The following FBXL20 variants were observed in gnomAD, a reference collection of about 807,000 sequenced individuals.
FBXL20 encodes F-box/LRR-repeat protein 20.
Under a neutral mutation model 64.0 loss-of-function variants are expected in FBXL20, and 11 were observed. That is an observed-to-expected ratio of 0.17 (90% CI 0.11 to 0.28). The LOEUF is 0.28. FBXL20 is among the 10% of genes least tolerant of loss of function. The probability of loss-of-function intolerance (pLI) is 1.00; values close to 1 mark genes in which losing one functional copy is unlikely to be tolerated. For missense variants in FBXL20, 303 were observed against 526.2 expected (o/e 0.58, Z 4.15); for synonymous variants, 184 against 189.0 (o/e 0.97, Z 0.22).
In FBXL20 at chr17:39,284,492, TG is replaced by T. The variant is rs780629495; in HGVS notation, c.494+985del. Among the ~76,000 whole-genome samples, 55 of 152,290 alleles carry T rather than the reference TG, an allele frequency of 3.6e-4. No individual in the cohort carries two copies. The Middle Eastern group carries it at 0.01, about 28-fold the overall frequency. ...ACCTGCTGGGCTCAAGTGATCCTCC[TG>T]CTTCAGTCCCCTGAGCAGCTGGGAC... On this transcript the variant is annotated intron_variant, in intron 7 of 14. Transcript: ENST00000264658.
chr17:39,355,835 A>C (rs1394336201), intron 1 of FBXL20, among the ~76,000 whole-genome samples: 2 of 147,806 alleles, frequency 1.4e-5, no homozygotes, highest in Admixed American at 6.8e-5. Flanking sequence ...AGCCTGAGGG[A>C]CAAAATCGAG....
intron 1 of FBXL20, among the ~76,000 whole-genome samples, chr17:39,363,810 C>CAAAAAAA (rs71372113): frequency 5.3e-4 from 14 of 26,218 alleles, no homozygotes; most frequent in East Asian, 9.9e-4. Flanking sequence ...GACTTTATCT[C>CAAAAAAA]AAAAAAAAAA....
At position 39,257,130 on chromosome 17, in the gene FBXL20, C is replaced by A. The variant is rs1432785867; in HGVS notation, c.*4330G>T. On this transcript the variant is annotated 3_prime_UTR_variant, in exon 15 of 15. Transcript: ENST00000264658. ...TCCCGAGTAGCTGGGATTACAGGCA[C>A]CTGCCACCACACCTGGCTAATTTTT... is the stretch of plus-strand genomic sequence containing the variant. The A allele has an allele frequency of 6.6e-6, 1 of 152,110 alleles. No individual in the cohort carries two copies. Among genetic ancestry groups the A allele is most frequent in the Non-Finnish European group, 1.5e-5 (1 of 68,056 alleles). The allele number at this position is 152,110 out of a possible 1,614,324, so 9.4% of individuals were successfully genotyped here.
intron 4 of FBXL20, 66 bp downstream of exon 4, chr17:39,300,935 G>T: frequency 7.0e-7 from 1 of 1,437,036 alleles, no homozygotes; most frequent in Non-Finnish European, 9.7e-7. Context: ...AATATGGCTA[G>T]GGCTAATCTG....
intron 1 of FBXL20, among the ~76,000 whole-genome samples, chr17:39,353,161 T>C (rs1334202321): frequency 1.3e-5 from 2 of 152,184 alleles, no homozygotes; most frequent in Non-Finnish European, 2.9e-5. Flanking sequence ...ATCTGGACTT[T>C]ATGAGAGAAA....
chr17:39,271,325 T>C (rs1486790733), intron 10 of FBXL20, among the ~76,000 whole-genome samples: 1 of 152,040 alleles, frequency 6.6e-6, no homozygotes. Context: ...AGGCCGGGCA[T>C]GGTGGCTCAT....
At chr17:39,306,889 C>T (rs1001809970) in intron 2 of FBXL20, among the ~76,000 whole-genome samples, 7 of 152,122 alleles carry the variant, frequency 4.6e-5, no homozygotes, top group African/African-American at 1.7e-4. Flanking sequence ...AGGAGCAACA[C>T]GGAAAGCAAA....
chr17:39,277,646 G>A (rs587880), intron 9 of FBXL20, among the ~76,000 whole-genome samples: 117,048 of 151,050 alleles, frequency 0.77, 46,041 homozygotes, highest in South Asian at 0.92. Flanking sequence ...CCCAGCTACT[G>A]GGGAGGTTGA....
chr17:39,335,982 G>C (rs2047517772), intron 2 of FBXL20, among the ~76,000 whole-genome samples: 1 of 152,166 alleles, frequency 6.6e-6, no homozygotes, highest in Admixed American at 6.6e-5. Context: ...CTCTACAAAA[G>C]AAAACAACAT....
chr17:39,329,920 G>C (rs962665411), intron 2 of FBXL20, among the ~76,000 whole-genome samples: 2 of 152,134 alleles, frequency 1.3e-5, no homozygotes, highest in African/African-American at 4.8e-5. Flanking sequence ...CTTGAGTCCA[G>C]GAGTTTGAGG....
At chr17:39,332,534 A>AT (rs1250742871) in intron 2 of FBXL20, among the ~76,000 whole-genome samples, 2 of 101,426 alleles carry the variant, frequency 2.0e-5, no homozygotes, top group East Asian at 6.1e-4. Context: ...TTTTCTTTGT[A>AT]TCTTTTTTTT....
chr17:39,397,947 C>T (rs1163386134), intron 1 of FBXL20, among the ~76,000 whole-genome samples: 1 of 150,306 alleles, frequency 6.7e-6, no homozygotes, highest in African/African-American at 2.4e-5. Flanking sequence ...CCTTCACTTT[C>T]CTCAAGTGTA....
rs1467200728 is a variant in FBXL20, at chr17:39,252,711, A to C, written c.*8749T>G. The C allele has an allele frequency of 6.6e-6, 1 of 151,852 alleles. No homozygotes were observed. Among genetic ancestry groups the C allele is most frequent in the Non-Finnish European group, 1.5e-5 (1 of 67,978 alleles). 9.4% of individuals were successfully genotyped at this position (151,852 alleles called of 1,614,324 possible). ...ACATCATAAAACAAAATTAGAACATACAAGAAACAATAATAGTTACATAAC... is the reference window on the plus strand; with the variant it reads ...ACATCATAAAACAAAATTAGAACATCCAAGAAACAATAATAGTTACATAAC... On this transcript the variant is annotated 3_prime_UTR_variant, in exon 15 of 15. Transcript: ENST00000264658.
chr17:39,293,864 C>A (rs1452975701), intron 6 of FBXL20, among the ~76,000 whole-genome samples: 1 of 151,518 alleles, frequency 6.6e-6, no homozygotes, highest in East Asian at 1.9e-4. Flanking sequence ...CTTTATCAGC[C>A]ACAAATTTCA....
Position 39,287,366 on chromosome 17 carries a change from A to G in FBXL20, c.399-1793T>C, listed in dbSNP as rs62074996. On this transcript the variant is annotated intron_variant, in intron 6 of 14. Transcript: ENST00000264658. ...AAGAGTCACACATTCTCTTTGGCTG[A>G]TATGTCTCCTAGGTCTTTGTGTGGG... Among the ~76,000 whole-genome samples the G allele has an allele frequency of 2.0e-3, 302 of 152,238 alleles. 2 individuals carry two copies. The highest frequency in any genetic ancestry group is 2.5e-3 in the Non-Finnish European group (170 of 68,018).
rs532002490 is a variant in FBXL20 at position 39,336,950 on chromosome 17, CCCTCTCCCT to C, written c.104+6221_104+6229del. Among the ~76,000 whole-genome samples, 349 of 151,818 alleles carry C rather than the reference CCCTCTCCCT, an allele frequency of 2.3e-3. 2 individuals carry two copies. The highest frequency in any genetic ancestry group is 5.4e-3 in the Admixed American group (83 of 15,248). ...ATGTTAAAAATAATAAACGACCTCT[CCCTCTCCCT>C]CCTCTCCCTCCTCTCCCTCTCCCTC... On this transcript the variant is annotated intron_variant, in intron 2 of 14. Transcript: ENST00000264658.
chr17:39,398,040 CGGGGGGGGGGGGGG>C (rs56842905), intron 1 of FBXL20, among the ~76,000 whole-genome samples: 1 of 56,680 alleles, frequency 1.8e-5, no homozygotes, highest in East Asian at 5.3e-4. Context: ...GGCCGGCGGG[CGGGGGGGGGGGGGG>C]GGTTGGATCA....
upstream of FBXL20, chr17:39,402,399 G>C: frequency 2.4e-6 from 1 of 408,284 alleles, no homozygotes; most frequent in Non-Finnish European, 4.2e-6. Flanking sequence ...TGGCTCGGGA[G>C]GGCGAGGGTG....
intron 10 of FBXL20, among the ~76,000 whole-genome samples, chr17:39,271,269 A>C (rs1311474795): frequency 6.6e-6 from 1 of 152,172 alleles, no homozygotes; most frequent in Non-Finnish European, 1.5e-5. Flanking sequence ...TTCCTGTTTT[A>C]GAAGTAGGTT....
Sources: gnomAD v4.1 joint callset for allele counts (sites outside exome capture counted in the v4.1 genomes callset) on GRCh38, gnomAD v4.1.1 for gene constraint, MANE v1.5 for transcripts, NCBI Gene and HGNC (gene_info 2026-07-23, HGNC 2026-07-21) for gene names.